Variants in CWF19L2 observed in about 807,000 individuals in gnomAD.
CWF19L2 encodes the protein CWF19 like cell cycle control factor 2, also known as CWF19-like protein 2.
In CWF19L2, 98 loss-of-function variants were observed where a neutral mutation model predicts 111.7. That is an observed-to-expected ratio of 0.88 (90% CI 0.75 to 1.04). CWF19L2 has a LOEUF of 1.04. Among genes scored for constraint, CWF19L2 ranks in the 50% least tolerant of loss-of-function variants. CWF19L2 has a pLI of 0.00. For missense variants in CWF19L2, 1,101 were observed against 1,051.4 expected (o/e 1.05, Z -0.65); for synonymous variants, 351 against 342.9 (o/e 1.02, Z -0.26).
At chr11:107,437,161 CATT>C (rs10574280) in intron 6 of CWF19L2, among the ~76,000 whole-genome samples, 30,399 of 152,068 alleles carry the variant, frequency 0.2, 3,227 homozygotes, top group Middle Eastern at 0.27. Flanking sequence ...ACATTACCAT[CATT>C]ATTGAGTAGT....
chr11:107,392,684 A>T (rs1782750372), intron 11 of CWF19L2, 95 bp downstream of exon 11: 1 of 670,794 alleles, frequency 1.5e-6, no homozygotes, highest in African/African-American at 1.9e-5. Flanking sequence ...TTCAAAAGCC[A>T]CATTTCAGAA....
chr11:107,361,635 T>C, intron 12 of CWF19L2, among the ~76,000 whole-genome samples: 1 of 152,254 alleles, frequency 6.6e-6, no homozygotes, highest in Non-Finnish European at 1.5e-5. Context: ...TTTATTTGTG[T>C]CATCTACGAT....
At chr11:107,406,910 A>G (rs1013139557) in intron 10 of CWF19L2, among the ~76,000 whole-genome samples, 2 of 151,942 alleles carry the variant, frequency 1.3e-5, no homozygotes, top group African/African-American at 4.8e-5. Context: ...AATTATTAAT[A>G]AATAGCTATA....
intron 12 of CWF19L2, among the ~76,000 whole-genome samples, chr11:107,389,406 A>C (rs1375721697): frequency 2.0e-5 from 3 of 152,240 alleles, no homozygotes; most frequent in Non-Finnish European, 4.4e-5. Flanking sequence ...CTTTATTTGC[A>C]AATATAGACA....
intron 3 of CWF19L2, 108 bp from the exon 4 acceptor site, chr11:107,443,157 C>G: frequency 1.3e-6 from 1 of 744,460 alleles, no homozygotes; most frequent in East Asian, 2.7e-5. Context: ...AAAATTCTTA[C>G]ACTGTATTTC....
intron 3 of CWF19L2, among the ~76,000 whole-genome samples, chr11:107,448,020 T>C (rs1280022510): frequency 6.6e-6 from 1 of 151,784 alleles, no homozygotes; most frequent in African/African-American, 2.4e-5. Context: ...TGTCACTGGA[T>C]AGGGATAACA....
intron 3 of CWF19L2, among the ~76,000 whole-genome samples, chr11:107,446,954 G>C (rs76817986): frequency 6.6e-6 from 1 of 152,086 alleles, no homozygotes; most frequent in East Asian, 1.9e-4. Flanking sequence ...ACAGCCTTCA[G>C]GGCTCTCCTT....
chr11:107,402,871 G>GTGTGTGTATGTA (rs1555023365), intron 10 of CWF19L2, among the ~76,000 whole-genome samples: 1 of 57,120 alleles, frequency 1.8e-5, no homozygotes, highest in East Asian at 5.1e-4. Context: ...AAACTGTGGT[G>GTGTGTGTATGTA]TGTATATATA....
Position 107,457,773 on chromosome 11 carries a change from G to T in CWF19L2, c.44C>A (p.Ala15Glu), listed in dbSNP as rs978741888. 1 of 1,551,670 alleles carries T rather than the reference G, an allele frequency of 6.4e-7. No homozygotes were observed. Reference sequence around the variant, plus strand: ...TTCTTTCCGCTCTTCGATACTCTTCGCACTTTCAAATCTACCACTAGCAGC... The same window carrying T: ...TTCTTTCCGCTCTTCGATACTCTTCTCACTTTCAAATCTACCACTAGCAGC... ...MAAASGRFESAKSIEERKEQT... is the reference protein window; with the variant it reads ...MAAASGRFESEKSIEERKEQT... The change falls in exon 1 of 18, where the codon GCG (alanine) becomes GAG (glutamate). Residue 15 changes from alanine to glutamate, a missense_variant. Ala to Glu is a moderately radical substitution (Grantham distance 107). Coordinates refer to ENST00000282251, the MANE Select transcript of CWF19L2 (RefSeq NM_152434.3).
chr11:107,330,525 A>G (rs963371622), intron 16 of CWF19L2, among the ~76,000 whole-genome samples: 1 of 151,916 alleles, frequency 6.6e-6, no homozygotes, highest in African/African-American at 2.4e-5. Flanking sequence ...AGCAACACTT[A>G]GTTTACCAGC....
intron 10 of CWF19L2, chr11:107,403,799 T>A (rs1861041063): frequency 1.1e-6 from 1 of 870,704 alleles, no homozygotes; most frequent in African/African-American, 1.6e-5. Flanking sequence ...CATATCCACT[T>A]CTACTGTCAG....
rs181044551 is a variant in CWF19L2, at chr11:107,407,831, A to G, written c.1617+8378T>C. On this transcript the variant is annotated intron_variant, in intron 10 of 17. Coordinates refer to ENST00000282251, the MANE Select transcript of CWF19L2 (RefSeq NM_152434.3). ...AATTAGACCTGAGAAAATACTGTTC[A>G]TAACACAATAAAAAAAATTTTTTAA... 3.4e-3 allele frequency among the ~76,000 whole-genome samples: 525 copies of G among 152,218 alleles called. 2 individuals carry two copies. The highest frequency in any genetic ancestry group is 3.4e-3 in the Non-Finnish European group (233 of 67,946).
chr11:107,372,519 G>A (rs1860526319), intron 12 of CWF19L2, among the ~76,000 whole-genome samples: 1 of 136,618 alleles, frequency 7.3e-6, no homozygotes, highest in East Asian at 2.1e-4. Flanking sequence ...GTAGTGACCA[G>A]GCCATTCCAG....
At chr11:107,442,431 T>C (rs117988049) in intron 4 of CWF19L2, among the ~76,000 whole-genome samples, 4,987 of 152,086 alleles carry the variant, frequency 0.033, 127 homozygotes, top group Non-Finnish European at 0.05. Flanking sequence ...TCTCTAATTC[T>C]AGCACTTTGG....
At chr11:107,348,365 TC>T (rs1860111077) in intron 14 of CWF19L2, among the ~76,000 whole-genome samples, 1 of 152,108 alleles carries the variant, frequency 6.6e-6, no homozygotes, top group South Asian at 2.1e-4. Context: ...AGCAACAATT[TC>T]ACCCATGTTG....
At chr11:107,380,943 T>C (rs570377148) in intron 12 of CWF19L2, among the ~76,000 whole-genome samples, 1 of 152,330 alleles carries the variant, frequency 6.6e-6, no homozygotes, top group South Asian at 2.1e-4. Flanking sequence ...AACATTATGT[T>C]AAGCGAAATA....
At chr11:107,343,293 C>T (rs1860031142) in intron 14 of CWF19L2, among the ~76,000 whole-genome samples, 2 of 151,780 alleles carry the variant, frequency 1.3e-5, no homozygotes, top group African/African-American at 2.4e-5. Flanking sequence ...CTTTGTGCCT[C>T]AGTGTTGGTG....
At chr11:107,442,475 A>T (rs1476306326) in intron 4 of CWF19L2, among the ~76,000 whole-genome samples, 2 of 151,750 alleles carry the variant, frequency 1.3e-5, no homozygotes, top group Non-Finnish European at 2.9e-5. Context: ...CAAGCTCAGG[A>T]GTTTGAGACC....
At chr11:107,384,651 T>C (rs1860738610) in intron 12 of CWF19L2, among the ~76,000 whole-genome samples, 1 of 152,200 alleles carries the variant, frequency 6.6e-6, no homozygotes, top group Admixed American at 6.5e-5. Context: ...TTTTTGTAAA[T>C]AAAGTTTTGT....
Sources: allele counts gnomAD v4.1 joint callset (sites outside exome capture counted in the v4.1 genomes callset), GRCh38; gene constraint gnomAD v4.1.1; transcripts MANE v1.5; gene names NCBI Gene and HGNC (gene_info 2026-07-23, HGNC 2026-07-21).